FAM13B: variants seen among roughly 807,000 people sequenced by gnomAD.
The protein encoded by FAM13B is family with sequence similarity 13 member B, also known as protein FAM13B.
A neutral mutation model predicts 117.3 loss-of-function variants in FAM13B; 60 were observed. The ratio of observed to expected loss-of-function variants is 0.51; its 90% CI spans 0.42 to 0.63. FAM13B has a LOEUF of 0.63. FAM13B is among the 30% of genes least tolerant of loss of function. The pLI is 0.00. For synonymous variants in FAM13B, 332 were observed against 356.1 expected (o/e 0.93, Z 0.76); for missense variants, 972 against 1,091.9 (o/e 0.89, Z 1.55).
intron 16 of FAM13B, among the ~76,000 whole-genome samples, chr5:137,953,047 A>C (rs901785348): frequency 1.3e-5 from 2 of 152,214 alleles, no homozygotes; most frequent in Non-Finnish European, 2.9e-5. Flanking sequence ...TTGATAGAGC[A>C]GAAATAGCAG....
chr5:138,033,007 G>C lies in FAM13B; in HGVS notation c.-428C>G. The C allele has an allele frequency of 1.0e-6, 1 of 987,428 alleles. No individual in the cohort carries two copies. The highest frequency in any genetic ancestry group is 1.2e-6 in the Non-Finnish European group (1 of 831,512). The allele number at this position is 987,428 out of a possible 1,614,324, so 61.2% of individuals were successfully genotyped here. A position where few individuals can be genotyped will look rare whatever the true frequency, so the allele number is the denominator to read the frequency against. On this transcript the variant is annotated 5_prime_UTR_variant, in exon 1 of 24. Transcript: ENST00000689681. The stretch of plus-strand genomic sequence containing the variant: ...TGGTGGCGACGCAGACGCGGAACAG[G>C]GGGAGAGAGTGGCGACAGAGGCGGC...
chr5:137,960,667 T>G (rs1169986851), intron 11 of FAM13B, among the ~76,000 whole-genome samples: 3 of 152,208 alleles, frequency 2.0e-5, no homozygotes, highest in Admixed American at 2.0e-4. Context: ...TTGACTGTAT[T>G]CTATCACAAG....
At chr5:137,965,619 GAACA>G (rs141105598) in intron 10 of FAM13B, among the ~76,000 whole-genome samples, 6 of 152,212 alleles carry the variant, frequency 3.9e-5, no homozygotes, top group Non-Finnish European at 5.9e-5. Context: ...TGCATTTGCT[GAACA>G]AACACTCAAT....
At chr5:138,020,318 C>T (rs1328098940) in intron 2 of FAM13B, among the ~76,000 whole-genome samples, 1 of 152,186 alleles carries the variant, frequency 6.6e-6, no homozygotes, top group Non-Finnish European at 1.5e-5. Context: ...CCTCAGCCTC[C>T]AAAGCGCTGG....
Position 137,959,642 on chromosome 5 carries a change from T to C in FAM13B, c.1415A>G (p.Asn472Ser). ...CVSIPHLDLKNVSDGDKWEAS... is the reference protein window; with the variant it reads ...CVSIPHLDLKSVSDGDKWEAS... The stretch of plus-strand genomic sequence containing the variant: ...TTCCCATTTATCACCATCAGAAACA[T>C]TCTTCAGATCTAAATGTGGAATACT... Residue 472 changes from asparagine (N) to serine (S), a missense_variant, in exon 13 of 24, where the codon AAT becomes AGT. Coordinates refer to ENST00000689681, the MANE Select transcript of FAM13B (RefSeq NM_001385994.1). 6.2e-7 allele frequency: 1 copy of C among 1,613,944 alleles called. No individual in the cohort carries two copies. The highest frequency in any genetic ancestry group is 8.5e-7 in the Non-Finnish European group (1 of 1,179,840).
intron 1 of FAM13B, among the ~76,000 whole-genome samples, chr5:138,045,546 GA>G (rs1464526674): frequency 1.3e-5 from 2 of 151,366 alleles, no homozygotes; most frequent in African/African-American, 4.9e-5. Flanking sequence ...AACAAAAAAA[GA>G]AAAAAAGGAT....
chr5:138,038,446 C>T (rs915761463), intron 1 of FAM13B: 1 of 152,304 alleles, frequency 6.6e-6, no homozygotes. Context: ...AAAATGCTAT[C>T]AAATTCAGTC....
At chr5:137,945,390 A>T (rs1335654916) in intron 20 of FAM13B, among the ~76,000 whole-genome samples, 2 of 152,234 alleles carry the variant, frequency 1.3e-5, no homozygotes, top group Admixed American at 6.5e-5. Context: ...AAATACCAAT[A>T]AGCATTATTT....
chr5:137,940,003 GGA>G lies in FAM13B; in HGVS notation c.*220_*221del, dbSNP rs1380099201. On this transcript the variant is annotated 3_prime_UTR_variant, in exon 24 of 24. Transcript: ENST00000689681. Reference sequence around the variant, plus strand: ...AGTAAACCATATGTTTGCTAAAGGTGGAGAGGACAGTCTGTGGTTAATATGGA... The same window carrying G: ...AGTAAACCATATGTTTGCTAAAGGTGGAGGACAGTCTGTGGTTAATATGGA... 1.3e-6 allele frequency: 2 copies of G among 1,598,078 alleles called. No homozygotes were observed. Among genetic ancestry groups the G allele is most frequent in the Non-Finnish European group, 1.7e-6 (2 of 1,172,056 alleles).
intron 3 of FAM13B, 36 bp downstream of exon 3, chr5:138,018,919 A>T: frequency 6.5e-7 from 1 of 1,540,638 alleles, no homozygotes; most frequent in Non-Finnish European, 8.8e-7. Context: ...TGTTTATTAA[A>T]ACAAAAGCTA....
intron 4 of FAM13B, among the ~76,000 whole-genome samples, chr5:138,017,029 A>G (rs1160254908): frequency 1.3e-4 from 20 of 152,252 alleles, no homozygotes. Flanking sequence ...AAAACAAAAA[A>G]GCGTAATTTT....
intron 1 of FAM13B, among the ~76,000 whole-genome samples, chr5:138,042,206 C>A (rs1791519257): frequency 6.6e-6 from 1 of 152,156 alleles, no homozygotes; most frequent in Admixed American, 6.5e-5. Context: ...CTACAAACAA[C>A]AATGTGATGA....
intron 10 of FAM13B, among the ~76,000 whole-genome samples, chr5:137,980,440 C>CTT (rs11309404): frequency 2.4e-4 from 20 of 84,924 alleles, no homozygotes; most frequent in African/African-American, 8.2e-4. Context: ...ACACTAATTT[C>CTT]TTTTTTTTTT....
At chr5:137,990,593 T>C (rs1247101920) in intron 7 of FAM13B, among the ~76,000 whole-genome samples, 1 of 152,114 alleles carries the variant, frequency 6.6e-6, no homozygotes, top group Non-Finnish European at 1.5e-5. Flanking sequence ...GGTAAATGGA[T>C]ACAAGATATT....
At chr5:138,023,087 T>C (rs1787208795) in intron 1 of FAM13B, among the ~76,000 whole-genome samples, 1 of 152,158 alleles carries the variant, frequency 6.6e-6, no homozygotes, top group Non-Finnish European at 1.5e-5. Context: ...ATTACAGGTG[T>C]GAGCCACTGC....
chr5:137,943,028 T>C lies in FAM13B; in HGVS notation c.2435A>G (p.Glu812Gly), dbSNP rs781493558. Reference protein sequence around the residue: ...HFFEEIKEEEEDGVNLSSELG... With the variant: ...HFFEEIKEEEGDGVNLSSELG... ...CTCAGAGGACAGATTAACACCATCT[T>C]CTTCTTCCTCCTAAAAAGATATCCA... The change falls in exon 22 of 24, where the codon GAA becomes GGA. Residue 812 changes from glutamate (E) to glycine (G), a missense_variant. Coordinates refer to ENST00000689681, the MANE Select transcript of FAM13B (RefSeq NM_001385994.1). 1.2e-6 allele frequency: 2 copies of C among 1,612,892 alleles called. No homozygotes were observed. Among genetic ancestry groups the C allele is most frequent in the South Asian group, 1.1e-5 (1 of 90,966 alleles).
intron 1 of FAM13B, among the ~76,000 whole-genome samples, chr5:138,023,142 T>A (rs533267572): frequency 6.6e-6 from 1 of 152,276 alleles, no homozygotes; most frequent in East Asian, 1.9e-4. Flanking sequence ...CTCTACTACC[T>A]GCAACCTCTA....
In FAM13B at chr5:137,943,197, C is replaced by T. The variant is rs749443684; in HGVS notation, c.2360G>A (p.Arg787Gln). The T allele has an allele frequency of 3.0e-5, 49 of 1,613,748 alleles. No homozygotes were observed. Among genetic ancestry groups the T allele is most frequent in the Non-Finnish European group, 4.0e-5 (47 of 1,179,860 alleles). The change falls in exon 21 of 24, where the codon CGA (arginine) becomes CAA (glutamine). Residue 787 changes from arginine (R) to glutamine (Q), a missense_variant. Coordinates refer to ENST00000689681, the MANE Select transcript of FAM13B (RefSeq NM_001385994.1). ...GATTGGCTGTAACATCTGACCCCTT[C>T]GCTTGGTGGATGGAGATCCCTATAA... ...TPVLGSPSTK[R>Q]RGQMLQPIIE... is the part of the protein sequence containing the mutation.
intron 10 of FAM13B, among the ~76,000 whole-genome samples, chr5:137,966,461 A>T (rs1488617588): frequency 2.6e-5 from 1 of 38,372 alleles, no homozygotes; most frequent in Non-Finnish European, 4.6e-5. Flanking sequence ...AATAGATTTT[A>T]TATATATATA....
Sources: gnomAD v4.1 joint callset for allele counts (sites outside exome capture counted in the v4.1 genomes callset) on GRCh38, gnomAD v4.1.1 for gene constraint, MANE v1.5 for transcripts, NCBI Gene and HGNC (gene_info 2026-07-23, HGNC 2026-07-21) for gene names.